DIS3L2: variants seen among roughly 807,000 people sequenced by gnomAD.
DIS3L2 encodes DIS3-like exonuclease 2.
DIS3L2 carries 34 observed loss-of-function variants against 97.5 expected under a neutral mutation model. The observed-to-expected ratio is 0.35, with a 90% confidence interval of 0.27 to 0.46. DIS3L2 has a LOEUF of 0.46. DIS3L2 is among the 20% of genes least tolerant of loss of function. DIS3L2 has a pLI of 1.00. For synonymous variants in DIS3L2, 435 were observed against 445.2 expected (o/e 0.98, Z 0.29); for missense variants, 1,038 against 1,146.0 (o/e 0.91, Z 1.36).
chr2:232,175,030 T>C (rs114533500), intron 9 of DIS3L2, among the ~76,000 whole-genome samples: 1 of 152,022 alleles, frequency 6.6e-6, no homozygotes, highest in South Asian at 2.1e-4. Context: ...GGTTTTGCTG[T>C]GTTGCCCGGG....
At chr2:232,033,982 T>G (rs896481742) in intron 5 of DIS3L2, among the ~76,000 whole-genome samples, 8 of 152,324 alleles carry the variant, frequency 5.3e-5, no homozygotes, top group African/African-American at 1.9e-4. Flanking sequence ...GCTGGCCTCA[T>G]AAAATGAGTT....
intron 13 of DIS3L2, among the ~76,000 whole-genome samples, chr2:232,266,840 C>T (rs1028675063): frequency 1.3e-5 from 2 of 152,166 alleles, no homozygotes; most frequent in African/African-American, 4.8e-5. Context: ...TTTAAGCTAG[C>T]CTCAATTAGA....
At chr2:232,048,458 C>T (rs140320469) in intron 5 of DIS3L2, among the ~76,000 whole-genome samples, 3,145 of 152,178 alleles carry the variant, frequency 0.021, 98 homozygotes, top group African/African-American at 0.071. Flanking sequence ...GTAGGCCGGG[C>T]GCGGTGGCTC....
intron 1 of DIS3L2, among the ~76,000 whole-genome samples, chr2:231,967,050 C>T (rs1692743017): frequency 6.6e-6 from 1 of 152,052 alleles, no homozygotes; most frequent in Non-Finnish European, 1.5e-5. Context: ...TAACAGGCTG[C>T]CTCTGGGATG....
chr2:232,047,334 T>C (rs1007259649), intron 5 of DIS3L2, among the ~76,000 whole-genome samples: 4 of 152,194 alleles, frequency 2.6e-5, no homozygotes, highest in Non-Finnish European at 5.9e-5. Flanking sequence ...CTGTAGTTGA[T>C]AGTGTAAAGA....
intron 1 of DIS3L2, among the ~76,000 whole-genome samples, chr2:231,976,094 A>C (rs1020916235): frequency 6.6e-6 from 1 of 152,062 alleles, no homozygotes; most frequent in African/African-American, 2.4e-5. Context: ...TTCAGTTTTT[A>C]TTTCAATAGT....
At chr2:232,252,333 C>T (rs1197923381) in intron 12 of DIS3L2, among the ~76,000 whole-genome samples, 4 of 151,956 alleles carry the variant, frequency 2.6e-5, no homozygotes, top group South Asian at 2.1e-4. Context: ...CACTTGAACC[C>T]GGGAGGTGGA....
At chr2:232,176,783 TAA>T (rs1233168115) in intron 9 of DIS3L2, among the ~76,000 whole-genome samples, 137 of 149,428 alleles carry the variant, frequency 9.2e-4, no homozygotes, top group African/African-American at 2.9e-3. Context: ...ATTAATTAAT[TAA>T]TTAATTAATT....
intron 1 of DIS3L2, among the ~76,000 whole-genome samples, chr2:232,005,938 A>G (rs1694042058): frequency 6.6e-6 from 1 of 152,234 alleles, no homozygotes. Flanking sequence ...CTGTAATCCC[A>G]GCACTTTGAG....
downstream of DIS3L2, among the ~76,000 whole-genome samples, chr2:232,338,319 G>C (rs1473459439): frequency 6.6e-6 from 1 of 152,174 alleles, no homozygotes; most frequent in Non-Finnish European, 1.5e-5. Flanking sequence ...ACGGACACCT[G>C]TCCCTATGTC....
chr2:232,270,208 G>A (rs1693951723), intron 13 of DIS3L2, among the ~76,000 whole-genome samples: 1 of 152,098 alleles, frequency 6.6e-6, no homozygotes, highest in South Asian at 2.1e-4. Flanking sequence ...TAGGAAGGAA[G>A]CTTTATCATA....
chr2:231,994,829 T>C (rs1693686962), intron 1 of DIS3L2, among the ~76,000 whole-genome samples: 1 of 150,800 alleles, frequency 6.6e-6, no homozygotes, highest in Non-Finnish European at 1.5e-5. Flanking sequence ...TTTTTTTTTT[T>C]TGAGATAGGG....
intron 13 of DIS3L2, among the ~76,000 whole-genome samples, chr2:232,266,526 A>G (rs946319360): frequency 6.6e-6 from 1 of 152,196 alleles, no homozygotes; most frequent in Non-Finnish European, 1.5e-5. Context: ...CTTGGAGTTG[A>G]TTCCTTGGTT....
chr2:232,333,359 C>T (rs2106352852), intron 16 of DIS3L2, among the ~76,000 whole-genome samples: 1 of 137,220 alleles, frequency 7.3e-6, no homozygotes, highest in Non-Finnish European at 1.6e-5. Context: ...CTTCCTTCTT[C>T]CTGGGCGAGA....
intron 1 of DIS3L2, among the ~76,000 whole-genome samples, chr2:232,013,258 CTG>C (rs1559540919): frequency 6.6e-6 from 1 of 152,228 alleles, no homozygotes; most frequent in Non-Finnish European, 1.5e-5. Context: ...CCAGATGACT[CTG>C]AGTCCTGTAC....
intron 5 of DIS3L2, among the ~76,000 whole-genome samples, chr2:232,078,524 T>G (rs185585371): frequency 2.6e-5 from 4 of 152,238 alleles, no homozygotes; most frequent in African/African-American, 9.6e-5. Context: ...CCTCTTACTT[T>G]ACAGAGTCAA....
chr2:232,317,719 G>C (rs1219691259), intron 14 of DIS3L2, among the ~76,000 whole-genome samples: 3 of 152,132 alleles, frequency 2.0e-5, no homozygotes, highest in African/African-American at 7.2e-5. Context: ...TTACAGGTGT[G>C]AGCCACCACT....
At chr2:232,132,776 C>T (rs563391789) in intron 7 of DIS3L2, among the ~76,000 whole-genome samples, 1 of 152,220 alleles carries the variant, frequency 6.6e-6, no homozygotes, top group South Asian at 2.1e-4. Context: ...CAAGAGACAT[C>T]AGGTATCTGA....
At chr2:232,305,136 C>T (rs756209967) in intron 14 of DIS3L2, among the ~76,000 whole-genome samples, 22 of 152,180 alleles carry the variant, frequency 1.4e-4, no homozygotes, top group Middle Eastern at 3.4e-3. Context: ...AGTGCAGTGG[C>T]GCAAACTCAG....
Sources: allele counts gnomAD v4.1 joint callset (sites outside exome capture counted in the v4.1 genomes callset), GRCh38; gene constraint gnomAD v4.1.1; transcripts MANE v1.5; gene names NCBI Gene and HGNC (gene_info 2026-07-23, HGNC 2026-07-21).